The following MTA3 variants were observed in gnomAD, a reference collection of about 807,000 sequenced individuals.
MTA3 encodes the protein metastasis associated 1 family member 3.
Under a neutral mutation model 83.5 loss-of-function variants are expected in MTA3, and 34 were observed. The observed-to-expected ratio is 0.41, with a 90% CI of 0.31 to 0.54. The LOEUF is 0.54. Ranked by LOEUF, MTA3 falls within the 20% of genes least tolerant of loss-of-function variation. The pLI is 0.33. For synonymous variants in MTA3, 303 were observed against 252.7 expected (o/e 1.20, Z -1.89); for missense variants, 761 against 726.4 (o/e 1.05, Z -0.55).
At chr2:42,591,884 C>A (rs1558469166) in intron 3 of MTA3, among the ~76,000 whole-genome samples, 1 of 152,122 alleles carries the variant, frequency 6.6e-6, no homozygotes, top group South Asian at 2.1e-4. Flanking sequence ...CTCCTGACTT[C>A]GGGATCTGCC....
chr2:42,589,585 C>T (rs1469594343), intron 3 of MTA3, among the ~76,000 whole-genome samples: 1 of 152,108 alleles, frequency 6.6e-6, no homozygotes, highest in Non-Finnish European at 1.5e-5. Flanking sequence ...GAGAGTTTTG[C>T]TCTTTCACCC....
At chr2:42,660,199 G>C (rs371382744) in intron 8 of MTA3, among the ~76,000 whole-genome samples, 3 of 151,586 alleles carry the variant, frequency 2.0e-5, no homozygotes, top group Non-Finnish European at 2.9e-5. Context: ...AGTGATTCTC[G>C]TGCCTCAGCC....
At chr2:42,744,023 G>C (rs1488471388) in intron 16 of MTA3, among the ~76,000 whole-genome samples, 1 of 152,110 alleles carries the variant, frequency 6.6e-6, no homozygotes, top group East Asian at 1.9e-4. Context: ...TGTCTCAAAG[G>C]GTAGTGTCAT....
chr2:42,611,875 G>A (rs781452359), intron 4 of MTA3, among the ~76,000 whole-genome samples: 9 of 152,166 alleles, frequency 5.9e-5, no homozygotes, highest in Non-Finnish European at 1.2e-4. Flanking sequence ...GGAGCTGGCT[G>A]TGTTGCCCAG....
chr2:42,526,947 G>A (rs1472746343), intron 2 of MTA3, among the ~76,000 whole-genome samples: 1 of 149,464 alleles, frequency 6.7e-6, no homozygotes, highest in Non-Finnish European at 1.5e-5. Flanking sequence ...CCAGCTACTC[G>A]AGAAGCTGAG....
chr2:42,669,777 T>C (rs1008468964), intron 8 of MTA3, among the ~76,000 whole-genome samples: 1 of 152,240 alleles, frequency 6.6e-6, no homozygotes, highest in Non-Finnish European at 1.5e-5. Flanking sequence ...TGAGATTTTT[T>C]CTTTTTTGGG....
At chr2:42,590,984 C>T (rs1242965884) in intron 3 of MTA3, among the ~76,000 whole-genome samples, 2 of 151,994 alleles carry the variant, frequency 1.3e-5, no homozygotes, top group Non-Finnish European at 2.9e-5. Context: ...TATTTTTCAT[C>T]GTTTGCTACT....
intron 5 of MTA3, among the ~76,000 whole-genome samples, chr2:42,641,723 G>C (rs747833533): frequency 2.6e-5 from 4 of 151,974 alleles, no homozygotes; most frequent in African/African-American, 9.7e-5. Context: ...AAAATTAACC[G>C]GGCGTGGTGG....
chr2:42,609,311 C>G, intron 3 of MTA3, 147 bp from the exon 4 acceptor site: 1 of 836,814 alleles, frequency 1.2e-6, no homozygotes, highest in Non-Finnish European at 1.8e-6. Context: ...GGATTACAAG[C>G]ATGAGCCACT....
At chr2:42,578,827 G>T (rs1421827100) in intron 2 of MTA3, among the ~76,000 whole-genome samples, 1 of 152,162 alleles carries the variant, frequency 6.6e-6, no homozygotes, top group Non-Finnish European at 1.5e-5. Context: ...AAGCTAATCA[G>T]TGTTAACTAT....
rs140342288 is a variant in MTA3, at chr2:42,726,514, A to G, written c.1759+3479A>G. Among the ~76,000 whole-genome samples, 537 of 151,156 alleles carry G rather than the reference A, an allele frequency of 3.6e-3. 4 individuals carry two copies. Among genetic ancestry groups the G allele is most frequent in the African/African-American group, 0.012 (512 of 41,136 alleles). The stretch of plus-strand genomic sequence containing the variant: ...ATGCTATCCCTCCCCACTCCCCCCA[A>G]CCCACAACAGTCCCCAGAGTGTGAT... On this transcript the variant is annotated intron_variant, in intron 16 of 16. Transcript: ENST00000405094.
intron 2 of MTA3, among the ~76,000 whole-genome samples, chr2:42,552,442 G>A (rs896992371): frequency 2.0e-5 from 3 of 152,114 alleles, no homozygotes; most frequent in Non-Finnish European, 2.9e-5. Flanking sequence ...TTGGACTATT[G>A]AAAAGGCTTT....
chr2:42,674,604 T>C (rs1204785002), intron 8 of MTA3, among the ~76,000 whole-genome samples: 14 of 149,204 alleles, frequency 9.4e-5, no homozygotes, highest in East Asian at 5.8e-4. Flanking sequence ...TTCTTTTTTT[T>C]TTTTTTTTTT....
At chr2:42,736,411 C>T (rs1332859596) in intron 16 of MTA3, among the ~76,000 whole-genome samples, 1 of 152,156 alleles carries the variant, frequency 6.6e-6, no homozygotes, top group Non-Finnish European at 1.5e-5. Flanking sequence ...CTGGGGCTCA[C>T]CCAAGGCCTA....
At chr2:42,678,670 C>T (rs1430333169) in intron 8 of MTA3, among the ~76,000 whole-genome samples, 2 of 152,164 alleles carry the variant, frequency 1.3e-5, no homozygotes, top group African/African-American at 2.4e-5. Flanking sequence ...CTTGTTAAAG[C>T]AGTTATTTAC....
In MTA3 at chr2:42,707,642, C is replaced by G. The variant is rs566522157; in HGVS notation, c.1151-261C>G. 2.2e-4 allele frequency among the ~76,000 whole-genome samples: 33 copies of G among 152,204 alleles called. 1 individual carries two copies. The South Asian group carries it at 6.6e-3, about 31-fold the overall frequency. The stretch of plus-strand genomic sequence containing the variant: ...ATCAACAAAACAAAAACTCCCTCAG[C>G]AGCACAATGCATAATACAGGATGCT... On this transcript the variant is annotated intron_variant, in intron 12 of 16. Coordinates refer to ENST00000405094, the MANE Select transcript of MTA3 (RefSeq NM_001330442.2).
At chr2:42,734,336 A>G (rs141930120) in intron 16 of MTA3, among the ~76,000 whole-genome samples, 2 of 150,706 alleles carry the variant, frequency 1.3e-5, no homozygotes, top group East Asian at 1.9e-4. Context: ...TTTGTCTGAT[A>G]TAAGTATAGC....
Position 42,756,795 on chromosome 2 carries a change from A to G in MTA3, c.*3396A>G. The G allele has an allele frequency of 1.0e-6, 1 of 985,428 alleles. No homozygotes were observed. The allele number at this position is 985,428 out of a possible 1,614,324, so 61.0% of individuals were successfully genotyped here. On this transcript the variant is annotated 3_prime_UTR_variant, in exon 17 of 17. Coordinates refer to ENST00000405094, the MANE Select transcript of MTA3 (RefSeq NM_001330442.2). ...ATGTCTCTGATTTTCCCTGCCAGGG[A>G]AGCTAACCCAGAGCACGCACCTGTG...
At chr2:42,580,380 T>C (rs1413896037) in intron 3 of MTA3, among the ~76,000 whole-genome samples, 1 of 151,872 alleles carries the variant, frequency 6.6e-6, no homozygotes, top group Admixed American at 6.6e-5. Flanking sequence ...TTTATTTATT[T>C]ATTTATTTTG....
Sources: allele counts gnomAD v4.1 joint callset (sites outside exome capture counted in the v4.1 genomes callset), GRCh38; gene constraint gnomAD v4.1.1; transcripts MANE v1.5; gene names NCBI Gene and HGNC (gene_info 2026-07-23, HGNC 2026-07-21).